Variants in KCNB2 observed in about 807,000 individuals in gnomAD.
KCNB2 encodes the protein delayed rectifier potassium channel protein.
In KCNB2, 15 loss-of-function variants were observed where a neutral mutation model predicts 61.5. That is an observed-to-expected ratio of 0.24 (90% CI 0.16 to 0.38). The LOEUF is 0.38. Among genes scored for constraint, KCNB2 ranks in the 10% least tolerant of loss-of-function variants. The pLI is 1.00. For synonymous variants in KCNB2, 457 were observed against 446.0 expected, an observed-to-expected ratio of 1.02 and a Z score of -0.31; for missense variants, 828 against 1,125.2, an observed-to-expected ratio of 0.74 and a Z score of 3.78.
intron 2 of KCNB2, among the ~76,000 whole-genome samples, chr8:72,905,637 G>A (rs1001923814): frequency 1.3e-5 from 2 of 152,100 alleles, no homozygotes; most frequent in Admixed American, 6.6e-5. Context: ...CGGGGAGCAC[G>A]AGTATTGCAA....
At chr8:72,911,942 G>C (rs1341581595) in intron 2 of KCNB2, among the ~76,000 whole-genome samples, 1 of 152,170 alleles carries the variant, frequency 6.6e-6, no homozygotes, top group Non-Finnish European at 1.5e-5. Flanking sequence ...TTGTCTTTCT[G>C]TTTCCCCTTC....
At chr8:72,735,913 C>T (rs1434350528) in intron 2 of KCNB2, among the ~76,000 whole-genome samples, 1 of 152,028 alleles carries the variant, frequency 6.6e-6, no homozygotes, top group African/African-American at 2.4e-5. Context: ...TTATAGCTTC[C>T]CAGTAAATCA....
intron 2 of KCNB2, among the ~76,000 whole-genome samples, chr8:72,922,570 C>T (rs1043567540): frequency 2.0e-5 from 3 of 152,202 alleles, no homozygotes; most frequent in Non-Finnish European, 4.4e-5. Flanking sequence ...TGTGTCCTCA[C>T]ATGGTGGAAA....
Position 72,926,281 on chromosome 8 carries a change from A to G in KCNB2, c.580-9654A>G, listed in dbSNP as rs188242761. 1.3e-3 allele frequency among the ~76,000 whole-genome samples: 205 copies of G among 152,348 alleles called. 1 individual carries two copies. Among genetic ancestry groups the G allele is most frequent in the African/African-American group, 4.5e-3 (187 of 41,572 alleles). Reference sequence around the variant, plus strand: ...GGAAAAAGAGAAAGAAATGTTTAAGAGAAATTTCATAACCTAAAGTTCTTA... The same window carrying G: ...GGAAAAAGAGAAAGAAATGTTTAAGGGAAATTTCATAACCTAAAGTTCTTA... On this transcript the variant is annotated intron_variant, in intron 2 of 2. Transcript: ENST00000523207.
chr8:72,665,928 A>G (rs927515386), intron 2 of KCNB2, among the ~76,000 whole-genome samples: 37 of 152,330 alleles, frequency 2.4e-4, no homozygotes, highest in African/African-American at 6.5e-4. Context: ...TATCACAGCA[A>G]ATGAGGCGGG....
intron 2 of KCNB2, among the ~76,000 whole-genome samples, chr8:72,829,574 G>A (rs1809655951): frequency 6.6e-6 from 1 of 152,190 alleles, no homozygotes; most frequent in African/African-American, 2.4e-5. Flanking sequence ...GGAGGATCCT[G>A]TTTTTACTAC....
chr8:72,689,533 G>A (rs1033970055), intron 2 of KCNB2, among the ~76,000 whole-genome samples: 1 of 152,166 alleles, frequency 6.6e-6, no homozygotes, highest in Non-Finnish European at 1.5e-5. Flanking sequence ...AAGAAAGCTT[G>A]TGTCCATTTG....
At chr8:72,679,701 A>T (rs1806721149) in intron 2 of KCNB2, among the ~76,000 whole-genome samples, 2 of 152,242 alleles carry the variant, frequency 1.3e-5, no homozygotes, top group African/African-American at 2.4e-5. Flanking sequence ...GAAACTGAAG[A>T]TGAACCATGA....
intron 2 of KCNB2, among the ~76,000 whole-genome samples, chr8:72,779,348 A>C (rs1808717242): frequency 6.6e-6 from 1 of 152,214 alleles, no homozygotes; most frequent in African/African-American, 2.4e-5. Context: ...ATAAAACTGC[A>C]GCCACCCAAA....
intron 2 of KCNB2, among the ~76,000 whole-genome samples, chr8:72,900,592 A>G (rs1423878394): frequency 6.6e-6 from 1 of 152,170 alleles, no homozygotes; most frequent in Non-Finnish European, 1.5e-5. Flanking sequence ...TTCACAAACT[A>G]TGCATCTGAC....
At chr8:72,734,770 A>G (rs191318673) in intron 2 of KCNB2, among the ~76,000 whole-genome samples, 6 of 152,326 alleles carry the variant, frequency 3.9e-5, no homozygotes, top group African/African-American at 1.4e-4. Context: ...TGCATGGTGC[A>G]TGGAGCACCT....
intron 2 of KCNB2, among the ~76,000 whole-genome samples, chr8:72,841,509 T>C (rs1809887130): frequency 6.6e-6 from 1 of 151,662 alleles, no homozygotes; most frequent in African/African-American, 2.4e-5. Flanking sequence ...ATTGAATCTA[T>C]AAATTACTTC....
In KCNB2 at chr8:72,913,220, G is replaced by A. The variant is rs550856998; in HGVS notation, c.580-22715G>A. 9.9e-5 allele frequency among the ~76,000 whole-genome samples: 15 copies of A among 152,226 alleles called. 1 individual carries two copies. Among genetic ancestry groups the A allele is most frequent in the Admixed American group, 9.8e-4 (15 of 15,284 alleles). ...TTCCAGGAGAACCCTGGGCAAGTTAGGGGCAGAGCATGATCGAACAGAGAC... is the reference window on the plus strand; with the variant it reads ...TTCCAGGAGAACCCTGGGCAAGTTAAGGGCAGAGCATGATCGAACAGAGAC... On this transcript the variant is annotated intron_variant, in intron 2 of 2. Transcript: ENST00000523207.
chr8:72,569,713 A>G (rs1317973926), intron 2 of KCNB2, among the ~76,000 whole-genome samples: 1 of 152,100 alleles, frequency 6.6e-6, no homozygotes, highest in African/African-American at 2.4e-5. Flanking sequence ...TTAGGTACAT[A>G]CTCGAGTTAC....
At chr8:72,704,373 C>T (rs1807183109) in intron 2 of KCNB2, among the ~76,000 whole-genome samples, 1 of 152,122 alleles carries the variant, frequency 6.6e-6, no homozygotes, top group South Asian at 2.1e-4. Context: ...AAGCAAGTAA[C>T]TTGCCCAAAA....
intron 2 of KCNB2, among the ~76,000 whole-genome samples, chr8:72,716,838 A>AAGGGCAT (rs1365172556): frequency 2.0e-5 from 3 of 152,172 alleles, no homozygotes; most frequent in African/African-American, 7.2e-5. Context: ...GAAGGAAATA[A>AAGGGCAT]AGGGCATTCA....
At chr8:72,652,926 T>C (rs376360695) in intron 2 of KCNB2, among the ~76,000 whole-genome samples, 1 of 152,266 alleles carries the variant, frequency 6.6e-6, no homozygotes, top group African/African-American at 2.4e-5. Flanking sequence ...GCAGTGTTGA[T>C]GCCTTCTAGA....
chr8:72,711,764 C>T (rs545397813), intron 2 of KCNB2, among the ~76,000 whole-genome samples: 27 of 67,344 alleles, frequency 4.0e-4, no homozygotes, highest in Admixed American at 7.8e-4. Context: ...CCAAGGTGGG[C>T]GGCATTTGAG....
intron 2 of KCNB2, among the ~76,000 whole-genome samples, chr8:72,903,471 C>G (rs1297428746): frequency 2.0e-5 from 3 of 152,188 alleles, no homozygotes; most frequent in Admixed American, 2.0e-4. Context: ...GTTCTAGCTA[C>G]TGGAGAGGCT....
Sources: allele counts gnomAD v4.1 joint callset (sites outside exome capture counted in the v4.1 genomes callset), GRCh38; gene constraint gnomAD v4.1.1; transcripts MANE v1.5; gene names NCBI Gene and HGNC (gene_info 2026-07-23, HGNC 2026-07-21).